The following SOX5 variants were observed in gnomAD, a reference collection of about 807,000 sequenced individuals.
SOX5 encodes the protein transcription factor SOX-5.
A neutral mutation model predicts 92.0 loss-of-function variants in SOX5; 9 were observed. The observed-to-expected ratio is 0.10, with a 90% CI of 0.06 to 0.17. SOX5 has a LOEUF of 0.17. SOX5 is among the 10% of genes least tolerant of loss of function. The pLI is 1.00. For synonymous variants in SOX5, 344 were observed against 336.3 expected (o/e 1.02, Z -0.25); for missense variants, 642 against 944.5 (o/e 0.68, Z 4.20).
intron 4 of SOX5, among the ~76,000 whole-genome samples, chr12:24,061,186 G>A (rs993580075): frequency 3.3e-5 from 5 of 152,016 alleles, no homozygotes; most frequent in Admixed American, 1.3e-4. Flanking sequence ...AAAAAAGGAC[G>A]AAGAGAAGAA....
chr12:23,816,297 C>T (rs1333225469), intron 3 of SOX5, among the ~76,000 whole-genome samples: 2 of 151,684 alleles, frequency 1.3e-5, no homozygotes, highest in African/African-American at 2.4e-5. Flanking sequence ...ACAACCTCCA[C>T]CTCCAGGGTT....
At chr12:24,089,898 G>T (rs1284599157) in intron 4 of SOX5, among the ~76,000 whole-genome samples, 1 of 152,074 alleles carries the variant, frequency 6.6e-6, no homozygotes, top group African/African-American at 2.4e-5. Flanking sequence ...GCTACAAAGT[G>T]GTTCTAATGA....
chr12:24,067,707 T>G (rs1324112559), intron 4 of SOX5, among the ~76,000 whole-genome samples: 1 of 152,208 alleles, frequency 6.6e-6, no homozygotes, highest in Admixed American at 6.5e-5. Context: ...CAGCTTGCCT[T>G]TTCTTTGATA....
At chr12:24,425,747 G>C (rs1216544580) in intron 1 of SOX5, among the ~76,000 whole-genome samples, 1 of 152,188 alleles carries the variant, frequency 6.6e-6, no homozygotes, top group Non-Finnish European at 1.5e-5. Context: ...CAGAAACTAT[G>C]CATAGCAACA....
intron 3 of SOX5, among the ~76,000 whole-genome samples, chr12:23,797,978 C>T (rs2095595536): frequency 6.6e-6 from 1 of 151,810 alleles, no homozygotes; most frequent in Non-Finnish European, 1.5e-5. Flanking sequence ...GAATGATCGT[C>T]CCCCAAATAT....
At chr12:23,660,445 T>C (rs1049699232) in intron 7 of SOX5, among the ~76,000 whole-genome samples, 4 of 152,174 alleles carry the variant, frequency 2.6e-5, no homozygotes, top group Admixed American at 6.5e-5. Flanking sequence ...TAAAATCTGA[T>C]CCCAAGTCCA....
chr12:24,334,621 GC>G (rs1951690321), intron 2 of SOX5, among the ~76,000 whole-genome samples: 2 of 152,146 alleles, frequency 1.3e-5, no homozygotes, highest in Non-Finnish European at 2.9e-5. Context: ...CAATGCTCAT[GC>G]CCTTTGATTT....
chr12:24,074,031 C>G (rs910561133), intron 4 of SOX5, among the ~76,000 whole-genome samples: 5 of 151,922 alleles, frequency 3.3e-5, no homozygotes, highest in Non-Finnish European at 7.4e-5. Flanking sequence ...ATGACAGAGA[C>G]CATGCCTACA....
At chr12:23,562,184 A>G (rs989123487) in intron 11 of SOX5, among the ~76,000 whole-genome samples, 7 of 152,104 alleles carry the variant, frequency 4.6e-5, no homozygotes, top group Non-Finnish European at 1.0e-4. Flanking sequence ...ACTGCAAGGG[A>G]TGTATACTGA....
intron 2 of SOX5, among the ~76,000 whole-genome samples, chr12:24,328,892 C>G (rs1265793155): frequency 6.6e-6 from 1 of 152,162 alleles, no homozygotes; most frequent in Non-Finnish European, 1.5e-5. Context: ...TTGTTAGAGT[C>G]CTTTTTCAAA....
In SOX5 at chr12:24,374,713, G is replaced by C. The variant is rs1425960189; in HGVS notation, c.-250-6074C>G. Reference sequence around the variant, plus strand: ...ACAGAGCCCCTCAGGGTAGAGACCAGATTAGGGTGCAGAATCCAGGAAGGA... The same window carrying C: ...ACAGAGCCCCTCAGGGTAGAGACCACATTAGGGTGCAGAATCCAGGAAGGA... On this transcript the variant is annotated intron_variant, in intron 1 of 4. Transcript: ENST00000446891. 2.6e-5 allele frequency among the ~76,000 whole-genome samples: 4 copies of C among 152,316 alleles called. No homozygotes were observed. The South Asian group carries it at 6.2e-4, about 24-fold the overall frequency.
chr12:24,346,072 C>T (rs1187271176), intron 2 of SOX5, among the ~76,000 whole-genome samples: 1 of 152,248 alleles, frequency 6.6e-6, no homozygotes, highest in East Asian at 1.9e-4. Context: ...CTGTTCACGT[C>T]ATCCCGTTAA....
intron 9 of SOX5, among the ~76,000 whole-genome samples, chr12:23,583,939 C>CA (rs1002907841): frequency 1.3e-5 from 2 of 151,782 alleles, no homozygotes; most frequent in African/African-American, 4.8e-5. Context: ...AATAGATTAA[C>CA]AAAAAAAGTA....
chr12:23,542,202 A>G (rs1364327431), intron 13 of SOX5, among the ~76,000 whole-genome samples: 1 of 152,232 alleles, frequency 6.6e-6, no homozygotes, highest in Non-Finnish European at 1.5e-5. Context: ...TGTAATTCCA[A>G]GTGCCTTACG....
intron 4 of SOX5, among the ~76,000 whole-genome samples, chr12:24,132,056 T>C (rs1027439461): frequency 6.6e-5 from 10 of 152,190 alleles, no homozygotes; most frequent in African/African-American, 2.2e-4. Flanking sequence ...TTGTGTTACG[T>C]TCCCATTCCA....
At chr12:24,540,293 T>C (rs1597752648) in intron 1 of SOX5, among the ~76,000 whole-genome samples, 1 of 144,184 alleles carries the variant, frequency 6.9e-6, no homozygotes, top group African/African-American at 2.8e-5. Flanking sequence ...TTTGTATACG[T>C]TGTAAAAACT....
chr12:24,059,117 CAT>C (rs1438239923), intron 4 of SOX5, among the ~76,000 whole-genome samples: 1 of 152,162 alleles, frequency 6.6e-6, no homozygotes, highest in Admixed American at 6.5e-5. Context: ...GTGCTTTACA[CAT>C]AGATACACAT....
chr12:23,541,206 C>T (rs924662478), intron 13 of SOX5, among the ~76,000 whole-genome samples: 4 of 152,086 alleles, frequency 2.6e-5, no homozygotes, highest in Non-Finnish European at 5.9e-5. Context: ...GATACTTTTG[C>T]TACATTTCCT....
chr12:24,167,662 A>G (rs1213855444), intron 4 of SOX5, among the ~76,000 whole-genome samples: 1 of 152,234 alleles, frequency 6.6e-6, no homozygotes, highest in African/African-American at 2.4e-5. Flanking sequence ...CAGAAGGTAC[A>G]CATTTTCTTT....
Sources: allele counts gnomAD v4.1 joint callset (sites outside exome capture counted in the v4.1 genomes callset), GRCh38; gene constraint gnomAD v4.1.1; transcripts MANE v1.5; gene names NCBI Gene and HGNC (gene_info 2026-07-23, HGNC 2026-07-21).